CSMD2: variants seen among roughly 807,000 people sequenced by gnomAD.
The protein encoded by CSMD2 is CUB and sushi domain-containing protein 2.
A neutral mutation model predicts 398.5 loss-of-function variants in CSMD2; 130 were observed. The ratio of observed to expected loss-of-function variants is 0.33; its 90% CI spans 0.28 to 0.38. The LOEUF is 0.38. Among genes scored for constraint, CSMD2 ranks in the 10% least tolerant of loss-of-function variants. CSMD2 has a pLI of 1.00. For synonymous variants in CSMD2, 1,828 were observed against 1,908.5 expected (o/e 0.96, Z 1.10); for missense variants, 3,829 against 4,764.9 (o/e 0.80, Z 5.78).
At chr1:34,028,502 G>A (rs546594161) in intron 3 of CSMD2, among the ~76,000 whole-genome samples, 2 of 152,204 alleles carry the variant, frequency 1.3e-5, no homozygotes, top group Admixed American at 6.5e-5. Context: ...ACCCACACCA[G>A]CCTGGAAGTT....
At chr1:33,791,037 G>A (rs764177959) in intron 11 of CSMD2, among the ~76,000 whole-genome samples, 2 of 152,088 alleles carry the variant, frequency 1.3e-5, no homozygotes, top group Non-Finnish European at 2.9e-5. Flanking sequence ...GTAACTGCCT[G>A]TATAGCATCA....
chr1:33,935,326 G>T (rs1644442572), intron 4 of CSMD2, among the ~76,000 whole-genome samples: 1 of 152,148 alleles, frequency 6.6e-6, no homozygotes, highest in Non-Finnish European at 1.5e-5. Context: ...CTGAAAGGAA[G>T]AAACTATTAG....
At position 33,772,709 on chromosome 1, in the gene CSMD2, T is replaced by C; in HGVS notation, c.1706A>G (p.Tyr569Cys). The change falls in exon 13 of 71, where the codon TAT becomes TGT. Residue 569 changes from tyrosine to cysteine, a missense_variant. By Grantham distance (194) the Tyr-to-Cys change is radical. Coordinates refer to ENST00000373381, the MANE Select transcript of CSMD2 (RefSeq NM_001281956.2). ...AAACCGGGAGCCTTCCCTCCGGCCATATGCAGGTATGCCAGGGTCACCGCA... is the reference window on the plus strand; with the variant it reads ...AAACCGGGAGCCTTCCCTCCGGCCACATGCAGGTATGCCAGGGTCACCGCA... ...GSCGDPGIPA[Y>C]GRREGSRFHH... 1 of 1,614,112 alleles carries C rather than the reference T, an allele frequency of 6.2e-7. No homozygotes were observed. The highest frequency in any genetic ancestry group is 8.5e-7 in the Non-Finnish European group (1 of 1,179,990).
chr1:33,748,176 T>G (rs1647646811), intron 13 of CSMD2, among the ~76,000 whole-genome samples: 1 of 152,210 alleles, frequency 6.6e-6, no homozygotes, highest in African/African-American at 2.4e-5. Context: ...AGAGGAAGTG[T>G]GCGTTGTCTT....
chr1:33,611,794 C>A (rs1369326474), intron 40 of CSMD2, among the ~76,000 whole-genome samples: 2 of 152,112 alleles, frequency 1.3e-5, no homozygotes, highest in Non-Finnish European at 2.9e-5. Flanking sequence ...ATTCTAGCAA[C>A]CTGACAGGTT....
At chr1:33,780,419 G>A (rs1399434779) in intron 12 of CSMD2, among the ~76,000 whole-genome samples, 5 of 152,136 alleles carry the variant, frequency 3.3e-5, no homozygotes, top group South Asian at 4.1e-4. Context: ...TTCTGCACAC[G>A]ATTGCCACAA....
intron 9 of CSMD2, chr1:33,813,939 C>CAT (rs775500846): frequency 6.6e-6 from 1 of 152,634 alleles, no homozygotes; most frequent in Non-Finnish European, 1.5e-5. Flanking sequence ...GACTGAAGCC[C>CAT]ATCTTCCCCT....
chr1:33,972,134 C>T (rs562851916), intron 3 of CSMD2, among the ~76,000 whole-genome samples: 1 of 152,144 alleles, frequency 6.6e-6, no homozygotes, highest in African/African-American at 2.4e-5. Flanking sequence ...TCCCTGGGGA[C>T]TTCTGGACAG....
chr1:33,935,630 T>G, intron 4 of CSMD2, 130 bp downstream of exon 4: 3 of 917,420 alleles, frequency 3.3e-6, no homozygotes, highest in Non-Finnish European at 4.8e-6. Flanking sequence ...CCCTCTGTGC[T>G]GTCCAGACTT....
intron 13 of CSMD2, among the ~76,000 whole-genome samples, chr1:33,745,228 T>C (rs557408096): frequency 6.6e-6 from 1 of 152,350 alleles, no homozygotes; most frequent in East Asian, 1.9e-4. Flanking sequence ...TATTTGTTTA[T>C]AAATGGATAA....
intron 3 of CSMD2, among the ~76,000 whole-genome samples, chr1:33,958,878 T>A (rs767186612): frequency 6.6e-6 from 1 of 152,200 alleles, no homozygotes; most frequent in Non-Finnish European, 1.5e-5. Context: ...ATTTTTTTTA[T>A]GCAGCAGAAA....
intron 2 of CSMD2, among the ~76,000 whole-genome samples, chr1:34,041,759 G>A (rs1651868979): frequency 6.6e-6 from 1 of 152,166 alleles, no homozygotes; most frequent in African/African-American, 2.4e-5. Flanking sequence ...ACATCCCTAG[G>A]GCCATGCTTG....
At position 33,726,098 on chromosome 1, in the gene CSMD2, C is replaced by T. The variant is rs536911542; in HGVS notation, c.2507+449G>A. Among the ~76,000 whole-genome samples, 73 of 152,272 alleles carry T rather than the reference C, an allele frequency of 4.8e-4. 3 individuals carry two copies. In the South Asian group the frequency reaches 0.013, roughly 28 times the overall value. On this transcript the variant is annotated intron_variant, in intron 16 of 70. Transcript: ENST00000373381. The stretch of plus-strand genomic sequence containing the variant: ...GTTTGTTTTCACATTTAGGTGGCTA[C>T]GTTCTCCACCCAAGGGGCATAGCCA...
chr1:33,805,662 C>T (rs373104485), intron 10 of CSMD2, among the ~76,000 whole-genome samples: 1 of 151,986 alleles, frequency 6.6e-6, no homozygotes, highest in East Asian at 1.9e-4. Flanking sequence ...AGGGATGGGG[C>T]TGTAATCCGA....
intron 6 of CSMD2, among the ~76,000 whole-genome samples, chr1:33,832,721 T>A (rs1304393604): frequency 6.6e-6 from 1 of 150,838 alleles, no homozygotes; most frequent in Non-Finnish European, 1.5e-5. Context: ...AGCTGGTTTT[T>A]TGAAAGGATC....
chr1:33,775,859 C>G (rs145581024), intron 12 of CSMD2, among the ~76,000 whole-genome samples: 3 of 152,262 alleles, frequency 2.0e-5, no homozygotes, highest in East Asian at 1.9e-4. Context: ...ATGTAGGGAC[C>G]AGCAGAATGC....
rs1199534341 is a variant in CSMD2 at position 33,519,070 on chromosome 1, T to A, written c.*53+395A>T. Among the ~76,000 whole-genome samples the A allele has an allele frequency of 4.6e-5, 7 of 152,140 alleles. No homozygotes were observed. Among genetic ancestry groups the A allele is most frequent in the African/African-American group, 1.7e-4 (7 of 41,406 alleles). The stretch of plus-strand genomic sequence containing the variant: ...GATGTATATATCCAGTTGGTTCTGT[T>A]TCTCTAGAGAGAAACAGACTAGTAC... On this transcript the variant is annotated intron_variant, in intron 70 of 70. Coordinates refer to ENST00000373381, the MANE Select transcript of CSMD2 (RefSeq NM_001281956.2). This position sits in a 1 kb window ranked among gnomAD's most constrained non-coding sequence, Gnocchi z 5.6.
chr1:34,046,492 G>A (rs1652528332), intron 2 of CSMD2, among the ~76,000 whole-genome samples: 1 of 152,116 alleles, frequency 6.6e-6, no homozygotes, highest in South Asian at 2.1e-4. Flanking sequence ...GAAACTTTGG[G>A]AACCTTTGCA....
At chr1:33,904,911 G>A (rs1642992620) in intron 5 of CSMD2, among the ~76,000 whole-genome samples, 1 of 151,940 alleles carries the variant, frequency 6.6e-6, no homozygotes, top group African/African-American at 2.4e-5. Flanking sequence ...CTCCCAAAGT[G>A]CTGGGATTAC....
Sources: allele counts gnomAD v4.1 joint callset (sites outside exome capture counted in the v4.1 genomes callset), GRCh38; gene constraint gnomAD v4.1.1; non-coding constraint Gnocchi (gnomAD v3.1); transcripts MANE v1.5; gene names NCBI Gene and HGNC (gene_info 2026-07-23, HGNC 2026-07-21).